NRXN3: variants seen among roughly 807,000 people sequenced by gnomAD.
NRXN3 encodes neurexin 3, also known as neurexin III.
In NRXN3, 32 loss-of-function variants were observed where a neutral mutation model predicts 137.6. The ratio of observed to expected loss-of-function variants is 0.23; its 90% confidence interval spans 0.18 to 0.31. The LOEUF (loss-of-function observed/expected upper bound fraction) is 0.31, where lower values mean the gene tolerates loss of function less well. Ranked by LOEUF, NRXN3 falls within the 10% of genes least tolerant of loss-of-function variation. The pLI, the probability that NRXN3 is intolerant of heterozygous loss-of-function variation, is 1.00. For synonymous variants in NRXN3, 798 were observed against 784.5 expected, an observed-to-expected ratio of 1.02 and a Z score of -0.29; for missense variants, 1,574 against 2,062.5, an observed-to-expected ratio of 0.76 and a Z score of 4.59.
chr14:78,897,809 C>T (rs2099182192), intron 10 of NRXN3, among the ~76,000 whole-genome samples: 1 of 151,978 alleles, frequency 6.6e-6, no homozygotes, highest in African/African-American at 2.4e-5. Flanking sequence ...AATTATTTCA[C>T]ATGTATAAAT....
At chr14:79,473,506 G>T (rs1323758602) in intron 16 of NRXN3, among the ~76,000 whole-genome samples, 1 of 152,146 alleles carries the variant, frequency 6.6e-6, no homozygotes, top group African/African-American at 2.4e-5. Flanking sequence ...AGTAAGGTTA[G>T]GTGGCTGTTA....
intron 15 of NRXN3, among the ~76,000 whole-genome samples, chr14:79,217,006 A>G (rs1188220472): frequency 6.6e-6 from 1 of 152,018 alleles, no homozygotes; most frequent in African/African-American, 2.4e-5. Flanking sequence ...GCGTGGTGGC[A>G]CATGCCTGTA....
chr14:79,174,110 G>C (rs2062059432), intron 15 of NRXN3, among the ~76,000 whole-genome samples: 1 of 152,058 alleles, frequency 6.6e-6, no homozygotes, highest in Non-Finnish European at 1.5e-5. Context: ...TTTACTATGG[G>C]GAGAAGGGCA....
chr14:78,616,947 C>T (rs118077957), intron 4 of NRXN3, among the ~76,000 whole-genome samples: 22 of 152,140 alleles, frequency 1.4e-4, no homozygotes, highest in Non-Finnish European at 2.5e-4. Context: ...TATTACTGTC[C>T]CCAAGTTGCA....
chr14:78,469,307 C>T (rs1284173454), intron 4 of NRXN3, among the ~76,000 whole-genome samples: 2 of 152,068 alleles, frequency 1.3e-5, no homozygotes, highest in East Asian at 3.9e-4. Flanking sequence ...ATGCCTGGGC[C>T]TCACTACCAA....
intron 8 of NRXN3, among the ~76,000 whole-genome samples, chr14:78,750,562 C>T (rs1311665522): frequency 2.6e-5 from 4 of 152,152 alleles, no homozygotes; most frequent in Non-Finnish European, 4.4e-5. Flanking sequence ...TCAATAAGGT[C>T]TTGAGATACT....
intron 15 of NRXN3, among the ~76,000 whole-genome samples, chr14:78,991,674 T>C (rs781452337): frequency 2.0e-5 from 3 of 152,224 alleles, no homozygotes; most frequent in Non-Finnish European, 4.4e-5. Context: ...AAAAAGTTAA[T>C]CATATGTAGG....
chr14:78,708,936 T>A (rs1374613755), intron 6 of NRXN3, among the ~76,000 whole-genome samples: 1 of 152,256 alleles, frequency 6.6e-6, no homozygotes, highest in Non-Finnish European at 1.5e-5. Flanking sequence ...CTCTTGATTT[T>A]TATTTGCAAG....
intron 7 of NRXN3, among the ~76,000 whole-genome samples, chr14:78,711,490 G>A (rs1012065359): frequency 7.0e-6 from 1 of 142,244 alleles, no homozygotes; most frequent in African/African-American, 2.7e-5. Flanking sequence ...TGCCCAGGCT[G>A]GAGTGCAATG....
chr14:79,501,171 A>T (rs1420087609), intron 16 of NRXN3, among the ~76,000 whole-genome samples: 1 of 152,074 alleles, frequency 6.6e-6, no homozygotes, highest in African/African-American at 2.4e-5. Flanking sequence ...TATTCAATGA[A>T]TTGTTTGTAT....
intron 1 of NRXN3, among the ~76,000 whole-genome samples, chr14:78,230,989 A>G (rs1238027642): frequency 6.6e-6 from 1 of 152,182 alleles, no homozygotes; most frequent in Non-Finnish European, 1.5e-5. Context: ...AGTCCAAGAG[A>G]AAAAGAAACA....
intron 4 of NRXN3, among the ~76,000 whole-genome samples, chr14:78,644,580 A>G (rs936347328): frequency 1.3e-5 from 2 of 152,164 alleles, no homozygotes; most frequent in East Asian, 1.9e-4. Context: ...CAACTCAGCC[A>G]TGTTCCAGGG....
At chr14:79,132,311 G>T (rs975563537) in intron 15 of NRXN3, among the ~76,000 whole-genome samples, 1 of 152,190 alleles carries the variant, frequency 6.6e-6, no homozygotes, top group South Asian at 2.1e-4. Flanking sequence ...TAAGTTTTGT[G>T]AAATGTATAT....
intron 15 of NRXN3, among the ~76,000 whole-genome samples, chr14:79,292,154 C>T (rs2083309173): frequency 6.6e-6 from 1 of 152,168 alleles, no homozygotes; most frequent in Admixed American, 6.6e-5. Flanking sequence ...ATACTGAAAG[C>T]AACTAATCAG....
intron 4 of NRXN3, among the ~76,000 whole-genome samples, chr14:78,321,175 G>C (rs898084590): frequency 1.3e-5 from 2 of 151,974 alleles, no homozygotes; most frequent in Admixed American, 6.5e-5. Flanking sequence ...TCCCTGCTGG[G>C]ATTGCTGGGA....
At chr14:78,499,420 C>T (rs2095845145) in intron 4 of NRXN3, among the ~76,000 whole-genome samples, 1 of 152,208 alleles carries the variant, frequency 6.6e-6, no homozygotes, top group East Asian at 1.9e-4. Flanking sequence ...CGGGGCCTCC[C>T]TTACCTTCCC....
chr14:79,807,515 C>G (rs2140711658), intron 20 of NRXN3, among the ~76,000 whole-genome samples: 1 of 152,266 alleles, frequency 6.6e-6, no homozygotes, highest in East Asian at 1.9e-4. Flanking sequence ...ATAGCGTAAA[C>G]CTGAATGGCC....
chr14:78,777,625 G>T (rs1209168557), intron 8 of NRXN3, among the ~76,000 whole-genome samples: 1 of 152,080 alleles, frequency 6.6e-6, no homozygotes, highest in African/African-American at 2.4e-5. Context: ...TGAAATAATA[G>T]TGATGTTTGT....
intron 6 of NRXN3, among the ~76,000 whole-genome samples, chr14:78,681,441 T>C (rs2098074620): frequency 6.6e-6 from 1 of 152,218 alleles, no homozygotes; most frequent in Non-Finnish European, 1.5e-5. Flanking sequence ...GCTTGAATCT[T>C]TACAGCAAGA....
Sources: gnomAD v4.1 joint callset for allele counts (sites outside exome capture counted in the v4.1 genomes callset) on GRCh38, gnomAD v4.1.1 for gene constraint, MANE v1.5 for transcripts, NCBI Gene and HGNC (gene_info 2026-07-23, HGNC 2026-07-21) for gene names.